The following MAP2 variants were observed in gnomAD, a reference collection of about 807,000 sequenced individuals.
The protein encoded by MAP2 is microtubule associated protein 2.
A neutral mutation model predicts 137.6 loss-of-function variants in MAP2; 14 were observed. The ratio of observed to expected loss-of-function variants is 0.10; its 90% CI spans 0.07 to 0.16. MAP2 has a LOEUF of 0.16. MAP2 is among the 10% of genes least tolerant of loss of function. The probability of loss-of-function intolerance (pLI) is 1.00; values close to 1 mark genes in which losing one functional copy is unlikely to be tolerated. For missense variants in MAP2, 2,088 were observed against 2,191.5 expected, an observed-to-expected ratio of 0.95 and a Z score of 0.94; for synonymous variants, 786 against 782.3, an observed-to-expected ratio of 1.00 and a Z score of -0.08.
At chr2:209,625,587 G>T (rs566127204) in intron 4 of MAP2, among the ~76,000 whole-genome samples, 27 of 152,262 alleles carry the variant, frequency 1.8e-4, no homozygotes, top group South Asian at 6.2e-4. Context: ...TGGATGCAGG[G>T]ATTCACCTGA....
At chr2:209,488,175 C>T (rs922804858) in intron 1 of MAP2, among the ~76,000 whole-genome samples, 38 of 152,224 alleles carry the variant, frequency 2.5e-4, no homozygotes, top group Non-Finnish European at 3.8e-4. Context: ...CCAGGAAGCA[C>T]GAGGGGTCAG....
chr2:209,591,294 T>C (rs559392093), intron 3 of MAP2, among the ~76,000 whole-genome samples: 1 of 152,344 alleles, frequency 6.6e-6, no homozygotes, highest in South Asian at 2.1e-4. Flanking sequence ...GAGCAAGAGC[T>C]ACTGACATCT....
Position 209,692,796 on chromosome 2 carries a change from A to C in MAP2, c.626A>C (p.Asp209Ala). Residue 209 changes from aspartate to alanine, a missense_variant, in exon 8 of 16, where the codon GAT (aspartate) becomes GCT (alanine). Asp to Ala is a moderately radical substitution (Grantham distance 126, BLOSUM62 -2). This residue lies in a region of MAP2 where 859 missense variants were observed against 794.5 expected (regional missense o/e 1.08). Coordinates refer to ENST00000682079, the MANE Select transcript of MAP2 (RefSeq NM_001375505.1). ...CCAGAGACAACTAAAACTTACCCTG[A>C]TAAAAAGGACATGCAAGGCACGGAA... ...SQPETTKTYP[D>A]KKDMQGTEEE... 1 of 1,613,862 alleles carries C rather than the reference A, an allele frequency of 6.2e-7. No homozygotes were observed. The highest frequency in any genetic ancestry group is 1.1e-5 in the South Asian group (1 of 91,044).
intron 1 of MAP2, among the ~76,000 whole-genome samples, chr2:209,465,644 G>A (rs1575474494): frequency 6.6e-6 from 1 of 151,996 alleles, no homozygotes. Context: ...TCCATTCTAG[G>A]ATGTAACCAC....
rs2059208065 is a variant in MAP2, at chr2:209,692,532, A to G, written c.455-93A>G. On this transcript the variant is annotated intron_variant, in intron 7 of 15. Transcript: ENST00000682079. ...GTTCCATAATTTTTGTTTTTATTCT[A>G]CCATTCATTTATCACTTCAAAATAT... is the stretch of plus-strand genomic sequence containing the variant. 35 of 1,399,924 alleles carry G rather than the reference A, an allele frequency of 2.5e-5. No homozygotes were observed. In the East Asian group the frequency reaches 8.0e-4, roughly 32 times the overall value. The allele number at this position is 1,399,924 out of a possible 1,614,324, so 86.7% of individuals were successfully genotyped here. A position where few individuals can be genotyped will look rare whatever the true frequency, so the allele number is the denominator to read the frequency against.
chr2:209,633,383 C>A (rs1051241647), intron 4 of MAP2, among the ~76,000 whole-genome samples: 1 of 152,058 alleles, frequency 6.6e-6, no homozygotes, highest in Non-Finnish European at 1.5e-5. Context: ...ATCATCTTGG[C>A]GTGTCATTAT....
At chr2:209,570,158 C>A (rs1201283002) in intron 2 of MAP2, among the ~76,000 whole-genome samples, 1 of 151,818 alleles carries the variant, frequency 6.6e-6, no homozygotes, top group Non-Finnish European at 1.5e-5. Context: ...ACTTACATAA[C>A]AAGTAGTCTG....
intron 1 of MAP2, among the ~76,000 whole-genome samples, chr2:209,479,042 A>T (rs1225959506): frequency 6.6e-6 from 1 of 152,214 alleles, no homozygotes; most frequent in African/African-American, 2.4e-5. Flanking sequence ...ACAATGAATA[A>T]AGTAAATATT....
chr2:209,667,955 C>A (rs2047072919), intron 5 of MAP2, among the ~76,000 whole-genome samples: 1 of 151,954 alleles, frequency 6.6e-6, no homozygotes, highest in Admixed American at 6.6e-5. Flanking sequence ...CGCATAAATC[C>A]CATTACAAAG....
chr2:209,534,507 G>A (rs2065657530), intron 2 of MAP2, among the ~76,000 whole-genome samples: 1 of 152,094 alleles, frequency 6.6e-6, no homozygotes, highest in African/African-American at 2.4e-5. Context: ...AATTTCTGGA[G>A]GTTTTCAAAT....
In MAP2 at chr2:209,695,174, A is replaced by G. The variant is rs776387809; in HGVS notation, c.3004A>G (p.Lys1002Glu). ...LGVTYEQALA[K>E]DLSIPTDASS... ...AGTAACCTATGAGCAAGCTTTGGCC[A>G]AAGATTTGTCAATACCAACAGATGC... is the stretch of plus-strand genomic sequence containing the variant. The change falls in exon 8 of 16, where the codon AAA becomes GAA. Residue 1002 changes from lysine to glutamate, a missense_variant. Coordinates refer to ENST00000682079, the MANE Select transcript of MAP2 (RefSeq NM_001375505.1). The G allele has an allele frequency of 9.6e-5, 155 of 1,614,208 alleles. No homozygotes were observed. In the Middle Eastern group the frequency reaches 9.9e-4, roughly 10 times the overall value.
chr2:209,727,428 T>A (rs2074457824), intron 14 of MAP2, among the ~76,000 whole-genome samples: 1 of 152,256 alleles, frequency 6.6e-6, no homozygotes, highest in East Asian at 1.9e-4. Flanking sequence ...ACCTGTGACC[T>A]AGATGTACGG....
intron 4 of MAP2, among the ~76,000 whole-genome samples, chr2:209,641,056 A>G (rs973576098): frequency 1.3e-5 from 2 of 152,002 alleles, no homozygotes; most frequent in African/African-American, 4.8e-5. Context: ...CTAGTCCTCA[A>G]GTACTGATTG....
intron 4 of MAP2, among the ~76,000 whole-genome samples, chr2:209,633,008 A>T (rs1167716126): frequency 6.6e-6 from 1 of 152,140 alleles, no homozygotes; most frequent in African/African-American, 2.4e-5. Context: ...AAAGCTCCAA[A>T]CATATTAAAT....
At chr2:209,690,746 G>C in intron 7 of MAP2, 1 of 1,289,836 alleles carries the variant, frequency 7.8e-7, no homozygotes, top group East Asian at 5.6e-5. Flanking sequence ...GGCCCAAATA[G>C]TTCCCGAAGA....
Position 209,730,502 on chromosome 2 carries a change from A to G in MAP2, c.*105A>G. Reference sequence around the variant, plus strand: ...TCATTCTTTATAAACCATAAAATAAATAATCTCATCCCCAAACTGTAGTAA... The same window carrying G: ...TCATTCTTTATAAACCATAAAATAAGTAATCTCATCCCCAAACTGTAGTAA... On this transcript the variant is annotated 3_prime_UTR_variant, in exon 16 of 16. Transcript: ENST00000682079. 1 of 761,156 alleles carries G rather than the reference A, an allele frequency of 1.3e-6. No homozygotes were observed. 47.2% of individuals were successfully genotyped at this position (761,156 alleles called of 1,614,324 possible).
At chr2:209,441,652 A>G (rs2149396287) in intron 1 of MAP2, among the ~76,000 whole-genome samples, 1 of 151,712 alleles carries the variant, frequency 6.6e-6, no homozygotes, top group Admixed American at 6.6e-5. Context: ...GGATTTAGGG[A>G]GATTTCCTTC....
chr2:209,590,238 AT>A (rs148585840), intron 3 of MAP2, among the ~76,000 whole-genome samples: 9,766 of 151,938 alleles, frequency 0.064, 561 homozygotes, highest in African/African-American at 0.15. Flanking sequence ...CCTTCCTATT[AT>A]TTTTTTCCCC....
chr2:209,460,125 TTTTAA>T (rs1702414628), intron 1 of MAP2, among the ~76,000 whole-genome samples: 1 of 152,224 alleles, frequency 6.6e-6, no homozygotes, highest in Non-Finnish European at 1.5e-5. Flanking sequence ...TACAAACCTG[TTTTAA>T]TTTGTGAGTA....
Sources: gnomAD v4.1 joint callset for allele counts (sites outside exome capture counted in the v4.1 genomes callset) on GRCh38, gnomAD v4.1.1 for gene constraint, gnomAD v4.1.1 regional missense constraint, MANE v1.5 for transcripts, NCBI Gene and HGNC (gene_info 2026-07-23, HGNC 2026-07-21) for gene names.